Variants in CTNND2 observed in about 807,000 individuals in gnomAD.
The protein encoded by CTNND2 is catenin delta-2.
A neutral mutation model predicts 144.4 loss-of-function variants in CTNND2; 22 were observed. The ratio of observed to expected loss-of-function variants is 0.15; its 90% confidence interval spans 0.11 to 0.22. CTNND2 has a LOEUF of 0.22. CTNND2 is among the 10% of genes least tolerant of loss of function. The pLI is 1.00. For synonymous variants in CTNND2, 751 were observed against 695.6 expected, an observed-to-expected ratio of 1.08 and a Z score of -1.25; for missense variants, 1,353 against 1,618.8, an observed-to-expected ratio of 0.84 and a Z score of 2.82.
intron 1 of CTNND2, among the ~76,000 whole-genome samples, chr5:11,846,606 C>CA (rs1264819943): frequency 6.6e-6 from 1 of 151,962 alleles, no homozygotes; most frequent in Non-Finnish European, 1.5e-5. Flanking sequence ...GGGATTACAT[C>CA]AAACTCAAAA....
chr5:11,588,775 G>C (rs538019852), intron 2 of CTNND2: 2 of 985,084 alleles, frequency 2.0e-6, no homozygotes, highest in Non-Finnish European at 2.4e-6. Context: ...TTAAATACTT[G>C]AAAACTGTAG....
intron 2 of CTNND2, among the ~76,000 whole-genome samples, chr5:11,649,529 C>G (rs1204040056): frequency 6.6e-6 from 1 of 152,036 alleles, no homozygotes; most frequent in Non-Finnish European, 1.5e-5. Flanking sequence ...GTTGGCCAGG[C>G]TGGTCTCAAA....
In CTNND2 at chr5:11,145,019, T is replaced by C. The variant is rs190643943; in HGVS notation, c.2159+14557A>G. Among the ~76,000 whole-genome samples the C allele has an allele frequency of 1.8e-3, 273 of 152,160 alleles. 1 individual carries two copies. Among genetic ancestry groups the C allele is most frequent in the Middle Eastern group, 3.4e-3 (1 of 292 alleles). On this transcript the variant is annotated intron_variant, in intron 12 of 21. Coordinates refer to ENST00000304623, the MANE Select transcript of CTNND2 (RefSeq NM_001332.4). ...CAGACCCTATGCCAAGCAATTTATGTGCATGACTGCAGGGCCAGGAATGGG... is the reference window on the plus strand; with the variant it reads ...CAGACCCTATGCCAAGCAATTTATGCGCATGACTGCAGGGCCAGGAATGGG...
chr5:11,850,662 C>G (rs1173591288), intron 1 of CTNND2, among the ~76,000 whole-genome samples: 7 of 152,134 alleles, frequency 4.6e-5, no homozygotes, highest in Non-Finnish European at 8.8e-5. Context: ...AAGATAATAA[C>G]ACCCAGAGTG....
chr5:11,494,670 CA>C (rs970026145), intron 3 of CTNND2, among the ~76,000 whole-genome samples: 37 of 152,082 alleles, frequency 2.4e-4, no homozygotes, highest in Middle Eastern at 3.4e-3. Context: ...GGATGGCTCC[CA>C]ATACTTCTGA....
chr5:11,361,367 T>C (rs1293778657), intron 8 of CTNND2, among the ~76,000 whole-genome samples: 1 of 152,092 alleles, frequency 6.6e-6, no homozygotes, highest in Non-Finnish European at 1.5e-5. Context: ...TGTTGCCCAG[T>C]CTGGTCTTGA....
intron 9 of CTNND2, among the ~76,000 whole-genome samples, chr5:11,302,087 T>C (rs958878222): frequency 4.6e-5 from 7 of 152,156 alleles, no homozygotes; most frequent in South Asian, 4.1e-4. Flanking sequence ...CTGTACCAAA[T>C]TTGCTTTCCT....
At chr5:11,294,012 C>T (rs916762649) in intron 9 of CTNND2, among the ~76,000 whole-genome samples, 2 of 151,332 alleles carry the variant, frequency 1.3e-5, no homozygotes, top group Admixed American at 1.3e-4. Context: ...CAGGAACCCA[C>T]AAGATGAGGA....
intron 1 of CTNND2, among the ~76,000 whole-genome samples, chr5:11,852,103 T>C (rs533591038): frequency 6.6e-6 from 1 of 152,182 alleles, no homozygotes; most frequent in East Asian, 1.9e-4. Flanking sequence ...TTCCCCCTTG[T>C]TCCTACCTTT....
intron 2 of CTNND2, among the ~76,000 whole-genome samples, chr5:11,579,322 A>G (rs1778229378): frequency 6.6e-6 from 1 of 152,198 alleles, no homozygotes; most frequent in Admixed American, 6.5e-5. Flanking sequence ...AGCAAAATGA[A>G]CTGTGACCAA....
intron 11 of CTNND2, among the ~76,000 whole-genome samples, chr5:11,197,318 C>T (rs1180095424): frequency 6.6e-6 from 1 of 152,212 alleles, no homozygotes; most frequent in Non-Finnish European, 1.5e-5. Flanking sequence ...CAGAAAACAT[C>T]TATTGAAGTA....
At chr5:11,297,836 C>T (rs1433464727) in intron 9 of CTNND2, among the ~76,000 whole-genome samples, 1 of 152,046 alleles carries the variant, frequency 6.6e-6, no homozygotes, top group African/African-American at 2.4e-5. Flanking sequence ...TCTATTCCAC[C>T]CACCATTGTC....
intron 1 of CTNND2, among the ~76,000 whole-genome samples, chr5:11,868,346 C>G (rs563908005): frequency 6.6e-6 from 1 of 152,222 alleles, no homozygotes; most frequent in Non-Finnish European, 1.5e-5. Context: ...ACCCAAGCTA[C>G]CAGTTTGAAC....
At chr5:11,149,905 T>C (rs1195728368) in intron 12 of CTNND2, among the ~76,000 whole-genome samples, 1 of 152,204 alleles carries the variant, frequency 6.6e-6, no homozygotes. Context: ...TTAGAAAATT[T>C]TGTAGTGGGT....
chr5:11,878,006 A>C (rs1018805075), intron 1 of CTNND2, among the ~76,000 whole-genome samples: 1 of 152,154 alleles, frequency 6.6e-6, no homozygotes, highest in Non-Finnish European at 1.5e-5. Flanking sequence ...TATCTTGTGT[A>C]TAAGAAAAGA....
intron 2 of CTNND2, among the ~76,000 whole-genome samples, chr5:11,722,118 A>G (rs1786723500): frequency 1.3e-5 from 2 of 152,194 alleles, no homozygotes; most frequent in South Asian, 4.1e-4. Flanking sequence ...TTGATGAAAA[A>G]TATATTCATA....
At chr5:11,064,525 T>G in intron 16 of CTNND2, among the ~76,000 whole-genome samples, 1 of 151,842 alleles carries the variant, frequency 6.6e-6, no homozygotes, top group South Asian at 2.1e-4. Context: ...ATAGAGAACA[T>G]TCCATGCGCT....
At chr5:11,577,968 C>A (rs1457303459) in intron 2 of CTNND2, among the ~76,000 whole-genome samples, 1 of 152,168 alleles carries the variant, frequency 6.6e-6, no homozygotes, top group Non-Finnish European at 1.5e-5. Flanking sequence ...AACAGTAGAG[C>A]TTTTCCGTAA....
In CTNND2 at chr5:11,364,824, G is replaced by A; in HGVS notation, c.1244C>T (p.Ser415Phe). The A allele has an allele frequency of 2.5e-6, 4 of 1,613,960 alleles. No homozygotes were observed. The highest frequency in any genetic ancestry group is 3.4e-6 in the Non-Finnish European group (4 of 1,179,948). The part of the protein sequence containing the change: ...HLGPELRALQ[S>F]PEHHIDPIYE... ...GATGGGATCTATGTGGTGTTCTGGG[G>A]ACTGCAGGGCCCGCAACTCTGGGCC... The change falls in exon 8 of 22, where the codon TCC (serine) becomes TTC (phenylalanine). Residue 415 changes from serine to phenylalanine, a missense_variant. Ser to Phe is a radical substitution (Grantham distance 155). Transcript: ENST00000304623.
Sources: gnomAD v4.1 joint callset for allele counts (sites outside exome capture counted in the v4.1 genomes callset) on GRCh38, gnomAD v4.1.1 for gene constraint, MANE v1.5 for transcripts, NCBI Gene and HGNC (gene_info 2026-07-23, HGNC 2026-07-21) for gene names.